ARRDC5: variants seen among roughly 807,000 people sequenced by gnomAD.
The protein encoded by ARRDC5 is arrestin domain containing 5, also known as arrestin domain-containing protein 5.
In ARRDC5, 12 loss-of-function variants were observed where a neutral mutation model predicts 13.3. The observed-to-expected ratio is 0.90, with a 90% CI of 0.58 to 1.46. ARRDC5 has a LOEUF of 1.46. ARRDC5 is among the 40% of genes most tolerant of loss of function. The pLI is 0.00. For synonymous variants in ARRDC5, 181 were observed against 173.4 expected (o/e 1.04, Z -0.34); for missense variants, 406 against 418.7 (o/e 0.97, Z 0.26).
rs899677075 is a variant in ARRDC5, at chr19:4,891,353, C to T, written c.680G>A (p.Arg227Gln). 8.1e-6 allele frequency: 13 copies of T among 1,613,716 alleles called. No homozygotes were observed. Among genetic ancestry groups the T allele is most frequent in the African/African-American group, 4.0e-5 (3 of 74,936 alleles). The change falls in exon 3 of 3, where the codon CGG becomes CAG. Residue 227 changes from arginine to glutamine, a missense_variant. By Grantham distance (43) the Arg-to-Gln change is conservative. Transcript: ENST00000650722. ...CTCGCTGCTGTCCAGCCGAGACCGC[C>T]GCTCTGCACTGGGCGTGAAGCCCTC... The part of the protein sequence containing the change: ...QYEGFTPSAE[R>Q]RSRLDSSELL...
At chr19:4,903,718 G>C (rs1378178764), upstream of ARRDC5, 1 of 152,004 alleles carries the variant, frequency 6.6e-6, no homozygotes, top group Non-Finnish European at 1.5e-5. Context: ...GGCCAGGCTG[G>C]TCTCGAACTT....
chr19:4,907,791 C>T (rs2032098398), upstream of ARRDC5, among the ~76,000 whole-genome samples: 1 of 135,666 alleles, frequency 7.4e-6, no homozygotes, highest in South Asian at 2.4e-4. Flanking sequence ...TGGCTCACCA[C>T]AACCTCTGCC....
At chr19:4,895,008 C>T (rs1319034722) in intron 2 of ARRDC5, among the ~76,000 whole-genome samples, 1 of 152,128 alleles carries the variant, frequency 6.6e-6, no homozygotes, top group Non-Finnish European at 1.5e-5. Context: ...TGTGAAAGAA[C>T]CTGCTGCCCT....
At chr19:4,909,635 C>T in the ARRDC5 span, 4 of 581,156 alleles carry the variant, frequency 6.9e-6, no homozygotes, top group Admixed American at 6.8e-5. Flanking sequence ...GGCAGACAAG[C>T]TGTTCGCGGC....
At chr19:4,909,910 C>T in the ARRDC5 span, among the ~76,000 whole-genome samples, 54 of 151,402 alleles carry the variant, frequency 3.6e-4, no homozygotes, top group Admixed American at 1.6e-3. Context: ...GCCTGGCGAG[C>T]CGCCGGGGAG....
chr19:4,913,564 G>A, the ARRDC5 span, among the ~76,000 whole-genome samples: 1 of 151,938 alleles, frequency 6.6e-6, no homozygotes, highest in Admixed American at 6.6e-5. Flanking sequence ...CACGTACATT[G>A]TGCTTTTAAT....
chr19:4,906,507 A>G (rs1051528491), upstream of ARRDC5, among the ~76,000 whole-genome samples: 1 of 152,128 alleles, frequency 6.6e-6, no homozygotes, highest in African/African-American at 2.4e-5. Context: ...TAATCCCAGC[A>G]CTTTGGGAAG....
Position 4,902,669 on chromosome 19 carries a change from T to A in ARRDC5, c.157A>T (p.Ser53Cys). ...ELVGRGYVEW[S>C]EEAGASCDYS... The stretch of plus-strand genomic sequence containing the variant: ...TCACAGGATGCCCCGGCTTCTTCAC[T>A]CCATTCGACGTAACCCCTTCCCACG... Residue 53 changes from serine (S) to cysteine (C), a missense_variant, in exon 1 of 3, where the codon AGT becomes TGT. By Grantham distance (112) the Ser-to-Cys change is moderately radical (BLOSUM62 -1). Coordinates refer to ENST00000650722, the MANE Select transcript of ARRDC5 (RefSeq NM_001080523.3). 6.2e-7 allele frequency: 1 copy of A among 1,614,008 alleles called. No homozygotes were observed.
the ARRDC5 span, chr19:4,910,788 G>C: frequency 6.8e-7 from 1 of 1,464,786 alleles, no homozygotes; most frequent in Middle Eastern, 1.8e-4. Flanking sequence ...CCACAGGCCG[G>C]ACAAAAGCAA....
the ARRDC5 span, chr19:4,909,375 C>T: frequency 1.7e-6 from 1 of 601,988 alleles, no homozygotes; most frequent in South Asian, 1.9e-5. Context: ...GAGGCGGGGG[C>T]GCCCCCCACC....
chr19:4,892,242 C>G (rs2031539266), intron 2 of ARRDC5, among the ~76,000 whole-genome samples: 1 of 151,806 alleles, frequency 6.6e-6, no homozygotes, highest in Admixed American at 6.6e-5. Context: ...CGCACGCCAC[C>G]ACACCCAGCT....
upstream of ARRDC5, among the ~76,000 whole-genome samples, chr19:4,904,593 A>G (rs1237175971): frequency 2.0e-5 from 3 of 152,190 alleles, no homozygotes; most frequent in African/African-American, 7.2e-5. Flanking sequence ...CTGGGATTAC[A>G]GGCATGAGCT....
chr19:4,913,978 A>AT, the ARRDC5 span, among the ~76,000 whole-genome samples: 2 of 150,844 alleles, frequency 1.3e-5, no homozygotes, highest in African/African-American at 4.9e-5. Context: ...TGCGCAGCTA[A>AT]TTTTTTTTGT....
At chr19:4,906,091 A>G (rs1241022021), upstream of ARRDC5, among the ~76,000 whole-genome samples, 1 of 152,152 alleles carries the variant, frequency 6.6e-6, no homozygotes, top group Non-Finnish European at 1.5e-5. Context: ...GTCCTCCTGC[A>G]TCAGTGTCCT....
chr19:4,905,143 G>A (rs2032039987), upstream of ARRDC5, among the ~76,000 whole-genome samples: 1 of 125,732 alleles, frequency 8.0e-6, no homozygotes, highest in African/African-American at 3.2e-5. Flanking sequence ...TTGAGACAGA[G>A]TCTTGCTCAG....
intron 2 of ARRDC5, among the ~76,000 whole-genome samples, chr19:4,893,661 G>C (rs959054471): frequency 2.0e-5 from 3 of 148,730 alleles, no homozygotes; most frequent in Admixed American, 6.8e-5. Context: ...GGAGGCCAAG[G>C]GGGGAGGATC....
chr19:4,911,067 A>G, the ARRDC5 span: 9 of 1,521,298 alleles, frequency 5.9e-6, no homozygotes, highest in Non-Finnish European at 8.0e-6. Context: ...CCTTTGTTCT[A>G]TGCCTGGTCC....
the ARRDC5 span, among the ~76,000 whole-genome samples, chr19:4,915,539 C>T: frequency 3.3e-5 from 5 of 152,084 alleles, no homozygotes; most frequent in African/African-American, 4.8e-5. Context: ...ATGGTGAAAC[C>T]CCGTCTCTAC....
At chr19:4,893,542 G>C (rs1316645113) in intron 2 of ARRDC5, among the ~76,000 whole-genome samples, 1 of 150,478 alleles carries the variant, frequency 6.6e-6, no homozygotes, top group Non-Finnish European at 1.5e-5. Flanking sequence ...GAAAATGCTT[G>C]TATTCCACCA....
Sources: allele counts gnomAD v4.1 joint callset (sites outside exome capture counted in the v4.1 genomes callset), GRCh38; gene constraint gnomAD v4.1.1; transcripts MANE v1.5; gene names NCBI Gene and HGNC (gene_info 2026-07-23, HGNC 2026-07-21).